Variants in HDGFL2 observed in about 807,000 individuals in gnomAD.
HDGFL2 encodes HDGF like 2.
Under a neutral mutation model 77.1 loss-of-function variants are expected in HDGFL2, and 36 were observed. The ratio of observed to expected loss-of-function variants is 0.47; its 90% CI spans 0.36 to 0.62. HDGFL2 has a LOEUF of 0.62. Ranked by LOEUF, HDGFL2 falls within the 20% of genes least tolerant of loss-of-function variation. The pLI, the probability that HDGFL2 is intolerant of heterozygous loss-of-function variation, is 0.00. For synonymous variants in HDGFL2, 463 were observed against 413.1 expected (o/e 1.12, Z -1.46); for missense variants, 976 against 973.4 (o/e 1.00, Z -0.04).
chr19:4,501,488 A>C, intron 15 of HDGFL2, 171 bp downstream of exon 15: 1 of 715,668 alleles, frequency 1.4e-6, no homozygotes, highest in Non-Finnish European at 2.1e-6. Flanking sequence ...GCTGGCTGGC[A>C]CTTCCGGCGG....
rs1204317044 is a variant in HDGFL2 at position 4,476,868 on chromosome 19, T to TG, written c.288+1286dup. The stretch of plus-strand genomic sequence containing the variant: ...GTTCTTTCCTCTGCTTTAACCACAC[T>TG]GCTTTTGAGGTTTCTGTGACAGGCT... On this transcript the variant is annotated intron_variant, in intron 3 of 15. Coordinates refer to ENST00000616600, the MANE Select transcript of HDGFL2 (RefSeq NM_001001520.3). Among the ~76,000 whole-genome samples the TG allele has an allele frequency of 2.6e-5, 4 of 151,604 alleles. No homozygotes were observed. The East Asian group carries it at 7.8e-4, about 30-fold the overall frequency.
intron 3 of HDGFL2, among the ~76,000 whole-genome samples, chr19:4,488,454 C>T (rs964076014): frequency 2.6e-5 from 4 of 152,172 alleles, no homozygotes; most frequent in Non-Finnish European, 2.9e-5. Context: ...CCCTGAAGCC[C>T]GCGGCCCGAC....
rs150446765 is a variant in HDGFL2, at chr19:4,483,102, C to G, written c.289-5574C>G. On this transcript the variant is annotated intron_variant, in intron 3 of 15. Transcript: ENST00000616600. ...GATTGGCCGCGAGAGCGTTATTACT[C>G]TCAGCGTTCTCCGTTTGCGGCCTGA... 6.6e-5 allele frequency among the ~76,000 whole-genome samples: 10 copies of G among 152,370 alleles called. No individual in the cohort carries two copies. The East Asian group carries it at 1.5e-3, about 23-fold the overall frequency.
chr19:4,492,156 T>A (rs1289692305), intron 6 of HDGFL2, among the ~76,000 whole-genome samples: 1 of 152,146 alleles, frequency 6.6e-6, no homozygotes, highest in African/African-American at 2.4e-5. Flanking sequence ...GAGAGAGGTG[T>A]GTGCCAGTGT....
At chr19:4,495,591 G>A (rs1975681697) in intron 9 of HDGFL2, among the ~76,000 whole-genome samples, 2 of 151,914 alleles carry the variant, frequency 1.3e-5, no homozygotes, top group Middle Eastern at 3.4e-3. Context: ...GGGCGGTGGG[G>A]AACGGACAGA....
At chr19:4,491,249 A>ACCC (rs1975499381) in intron 4 of HDGFL2, among the ~76,000 whole-genome samples, 1 of 39,474 alleles carries the variant, frequency 2.5e-5, no homozygotes, top group Non-Finnish European at 4.8e-5. Flanking sequence ...CACTCCCACC[A>ACCC]CCCACCCCCC....
chr19:4,474,981 T>G (rs1975034502), intron 1 of HDGFL2: 1 of 368,080 alleles, frequency 2.7e-6, no homozygotes, highest in Admixed American at 4.2e-5. Context: ...GACGCTGAGC[T>G]TGGCCCCACC....
At chr19:4,478,289 G>A (rs186969533) in intron 3 of HDGFL2, among the ~76,000 whole-genome samples, 8 of 148,748 alleles carry the variant, frequency 5.4e-5, no homozygotes, top group Admixed American at 2.0e-4. Context: ...TGCAACCTCC[G>A]CCTCCCGGGT....
chr19:4,496,201 A>G (rs2288930), intron 9 of HDGFL2, 101 bp from the exon 10 acceptor site: 621,901 of 933,312 alleles, frequency 0.67, 209,859 homozygotes, highest in African/African-American at 0.77. Context: ...GTGGAGGGCG[A>G]CAGAAAGGGT....
intron 1 of HDGFL2, chr19:4,475,041 T>G: frequency 1.9e-6 from 1 of 539,554 alleles, no homozygotes; most frequent in Non-Finnish European, 3.3e-6. Flanking sequence ...GTGGAGCACC[T>G]GCCCTGGGGC....
At chr19:4,489,505 G>A (rs1975452813) in intron 4 of HDGFL2, among the ~76,000 whole-genome samples, 2 of 152,026 alleles carry the variant, frequency 1.3e-5, no homozygotes, top group South Asian at 4.1e-4. Flanking sequence ...CTGGGTTCAA[G>A]TGATTCCCCT....
rs779926705 is a variant in HDGFL2, at chr19:4,494,349, C to T, written c.1098C>T (p.Ser366=). The T allele has an allele frequency of 5.0e-6, 7 of 1,406,682 alleles. No homozygotes were observed. The highest frequency in any genetic ancestry group is 1.6e-5 in the South Asian group (1 of 62,944). The allele number at this position is 1,406,682 out of a possible 1,614,324, so 87.1% of individuals were successfully genotyped here. A position where few individuals can be genotyped will look rare whatever the true frequency, so the allele number is the denominator to read the frequency against. ...ACCGCGGGGAGGCTGAGCGGGGCAG[C>T]GGCGGCAGCAGCGGGGACGAGCTCA... ...RADRGEAERG[S]GGSSGDELRE... The change falls in exon 9 of 16, where the codon AGC becomes AGT. Residue 366 remains serine (S), a synonymous_variant. Coordinates refer to ENST00000616600, the MANE Select transcript of HDGFL2 (RefSeq NM_001001520.3).
At chr19:4,493,110 G>A (rs1975582898) in intron 6 of HDGFL2, among the ~76,000 whole-genome samples, 1 of 141,448 alleles carries the variant, frequency 7.1e-6, no homozygotes, top group South Asian at 2.3e-4. Context: ...TGTGGTGTGT[G>A]TGTTGTCTGT....
In HDGFL2 at chr19:4,502,014, G is replaced by T. The variant is rs746601568; in HGVS notation, c.*4G>T. ...GGCCCTGGACGAGGAGAGCTGAGCC[G>T]CGGGCAGCCAGGCCCAGCCCCCGCC... On this transcript the variant is annotated 3_prime_UTR_variant, in exon 16 of 16. Coordinates refer to ENST00000616600, the MANE Select transcript of HDGFL2 (RefSeq NM_001001520.3). The T allele has an allele frequency of 2.8e-5, 43 of 1,518,358 alleles. No individual in the cohort carries two copies. The highest frequency in any genetic ancestry group is 1.8e-4 in the Middle Eastern group (1 of 5,692). The allele number at this position is 1,518,358 out of a possible 1,614,324, so 94.1% of individuals were successfully genotyped here.
At position 4,497,573 on chromosome 19, in the gene HDGFL2, G is replaced by A. The variant is rs1432332328; in HGVS notation, c.1329-385G>A. ...TTCGGCAGGCCGGTATGGCAGTGGC[G>A]GGGTACAGAGCAGCACATGGCACCG... On this transcript the variant is annotated intron_variant, in intron 10 of 15. Coordinates refer to ENST00000616600, the MANE Select transcript of HDGFL2 (RefSeq NM_001001520.3). 10 of 312,194 alleles carry A rather than the reference G, an allele frequency of 3.2e-5. No individual in the cohort carries two copies. The East Asian group carries it at 8.7e-4, about 27-fold the overall frequency. 19.3% of individuals were successfully genotyped at this position (312,194 alleles called of 1,614,324 possible).
chr19:4,478,929 C>T (rs912023895), intron 3 of HDGFL2, among the ~76,000 whole-genome samples: 19 of 151,648 alleles, frequency 1.3e-4, no homozygotes, highest in East Asian at 4.0e-4. Context: ...ATGATCTGCC[C>T]GCCTCAGCCT....
At chr19:4,485,975 C>T (rs1975351003) in intron 3 of HDGFL2, among the ~76,000 whole-genome samples, 1 of 149,852 alleles carries the variant, frequency 6.7e-6, no homozygotes, top group Admixed American at 6.7e-5. Flanking sequence ...ATCACCTGAG[C>T]CCAGGAAGTT....
At chr19:4,483,733 G>GTCACACGCCATTTTGGTCA (rs1270660540) in intron 3 of HDGFL2, among the ~76,000 whole-genome samples, 5 of 150,164 alleles carry the variant, frequency 3.3e-5, no homozygotes, top group Non-Finnish European at 5.9e-5. Flanking sequence ...ACTCCAGCCT[G>GTCACACGCCATTTTGGTCA]TCACACGCCA....
chr19:4,492,706 CTG>C (rs941055015), intron 6 of HDGFL2, among the ~76,000 whole-genome samples: 20 of 131,316 alleles, frequency 1.5e-4, no homozygotes, highest in Admixed American at 4.6e-4. Flanking sequence ...TATGTGTTGT[CTG>C]TGTGTGGTGT....
Sources: gnomAD v4.1 joint callset for allele counts (sites outside exome capture counted in the v4.1 genomes callset) on GRCh38, gnomAD v4.1.1 for gene constraint, MANE v1.5 for transcripts, NCBI Gene and HGNC (gene_info 2026-07-23, HGNC 2026-07-21) for gene names.